The following DLG2 variants were observed in gnomAD, a reference collection of about 807,000 sequenced individuals.
The protein encoded by DLG2 is disks large homolog 2.
A neutral mutation model predicts 132.5 loss-of-function variants in DLG2; 45 were observed. That is an observed-to-expected ratio of 0.34 (90% CI 0.27 to 0.44). The LOEUF (loss-of-function observed/expected upper bound fraction) is 0.44. Ranked by LOEUF, DLG2 falls within the 20% of genes least tolerant of loss-of-function variation. The probability of loss-of-function intolerance (pLI) is 1.00; values close to 1 mark genes in which losing one functional copy is unlikely to be tolerated. For missense variants in DLG2, 1,045 were observed against 1,196.9 expected (o/e 0.87, Z 1.87); for synonymous variants, 424 against 419.6 (o/e 1.01, Z -0.13).
rs190967761 is a variant in DLG2 at position 84,372,657 on chromosome 11, T to C, written c.520-121366A>G. Among the ~76,000 whole-genome samples the C allele has an allele frequency of 3.0e-3, 461 of 152,340 alleles. 1 individual carries two copies. The highest frequency in any genetic ancestry group is 5.0e-3 in the Non-Finnish European group (337 of 68,026). On this transcript the variant is annotated intron_variant, in intron 7 of 27. Coordinates refer to ENST00000376104, the MANE Select transcript of DLG2 (RefSeq NM_001142699.3). ...TTTAAGGCTATTCTGTTTAATAGTG[T>C]TATAAATATACATTTCTCTAAAAAG...
chr11:84,387,587 G>A (rs1283227158), intron 7 of DLG2, among the ~76,000 whole-genome samples: 1 of 152,072 alleles, frequency 6.6e-6, no homozygotes, highest in Non-Finnish European at 1.5e-5. Context: ...GGTTGGGCAT[G>A]CAAAAGCTAA....
chr11:84,132,545 A>G (rs2094458776), intron 9 of DLG2, among the ~76,000 whole-genome samples: 1 of 151,930 alleles, frequency 6.6e-6, no homozygotes, highest in East Asian at 1.9e-4. Flanking sequence ...GAATACTAAC[A>G]ATTTTTCTTT....
At chr11:83,578,998 G>A (rs943605994) in intron 19 of DLG2, among the ~76,000 whole-genome samples, 5 of 152,150 alleles carry the variant, frequency 3.3e-5, no homozygotes, top group Non-Finnish European at 5.9e-5. Flanking sequence ...TTTCCTCCTT[G>A]TTGCTTTACA....
At chr11:84,184,784 C>T (rs1180968794) in intron 8 of DLG2, among the ~76,000 whole-genome samples, 1 of 151,982 alleles carries the variant, frequency 6.6e-6, no homozygotes, top group Admixed American at 6.6e-5. Flanking sequence ...CAGCTTTCTA[C>T]ATATGGCTAG....
At chr11:83,742,577 C>T (rs998499535) in intron 18 of DLG2, among the ~76,000 whole-genome samples, 8 of 152,124 alleles carry the variant, frequency 5.3e-5, no homozygotes, top group African/African-American at 1.7e-4. Context: ...CCTTCTCTGG[C>T]TCTTTATTTC....
intron 7 of DLG2, among the ~76,000 whole-genome samples, chr11:84,412,750 G>C (rs1344583244): frequency 6.6e-6 from 1 of 152,154 alleles, no homozygotes; most frequent in Non-Finnish European, 1.5e-5. Context: ...TGAGCTTTAA[G>C]TTTTCCTCAT....
intron 10 of DLG2, among the ~76,000 whole-genome samples, chr11:84,084,019 C>CCGCA (rs1276903632): frequency 1.3e-5 from 2 of 152,160 alleles, no homozygotes; most frequent in Non-Finnish European, 2.9e-5. Context: ...GACCAGAGGG[C>CCGCA]CGCAGTTCAC....
intron 18 of DLG2, among the ~76,000 whole-genome samples, chr11:83,656,499 A>G (rs1309612203): frequency 6.6e-6 from 1 of 152,208 alleles, no homozygotes; most frequent in African/African-American, 2.4e-5. Context: ...CCTCCCCAGT[A>G]GAACACTTGG....
intron 3 of DLG2, among the ~76,000 whole-genome samples, chr11:85,372,696 G>C (rs767280222): frequency 2.6e-5 from 4 of 152,250 alleles, no homozygotes; most frequent in Non-Finnish European, 5.9e-5. Flanking sequence ...ATAGGTGACA[G>C]CGAATAATTC....
intron 18 of DLG2, among the ~76,000 whole-genome samples, chr11:83,729,382 A>T (rs1290575987): frequency 6.6e-6 from 1 of 152,222 alleles, no homozygotes; most frequent in African/African-American, 2.4e-5. Context: ...GTTTTTCAAA[A>T]GCATATTTCA....
intron 7 of DLG2, among the ~76,000 whole-genome samples, chr11:84,356,519 TGGG>T (rs1041237505): frequency 2.0e-5 from 3 of 152,114 alleles, no homozygotes; most frequent in Non-Finnish European, 4.4e-5. Flanking sequence ...TGTGTGACTT[TGGG>T]TAAGTTACAT....
intron 8 of DLG2, among the ~76,000 whole-genome samples, chr11:84,249,070 A>G (rs1042830664): frequency 1.3e-5 from 2 of 152,246 alleles, no homozygotes; most frequent in South Asian, 2.1e-4. Context: ...TTATTTCTAC[A>G]TGAGGATATC....
intron 3 of DLG2, among the ~76,000 whole-genome samples, chr11:85,396,585 G>A (rs1436412400): frequency 1.3e-5 from 2 of 152,136 alleles, no homozygotes; most frequent in African/African-American, 4.8e-5. Context: ...GATCTTAAAT[G>A]ACCTGATGGA....
In DLG2 at chr11:84,237,375, A is replaced by T. The variant is rs377332801; in HGVS notation, c.573+13863T>A. Among the ~76,000 whole-genome samples, 6 of 152,314 alleles carry T rather than the reference A, an allele frequency of 3.9e-5. No individual in the cohort carries two copies. The East Asian group carries it at 1.2e-3, about 29-fold the overall frequency. On this transcript the variant is annotated intron_variant, in intron 8 of 27. Coordinates refer to ENST00000376104, the MANE Select transcript of DLG2 (RefSeq NM_001142699.3). The stretch of plus-strand genomic sequence containing the variant: ...TTCCTGAGATTGTCTTTAAAGAGAT[A>T]CTGATTATAATGCGCTATTGTTTAT...
At chr11:84,153,623 G>A (rs1441381036) in intron 9 of DLG2, among the ~76,000 whole-genome samples, 1 of 152,076 alleles carries the variant, frequency 6.6e-6, no homozygotes, top group Non-Finnish European at 1.5e-5. Context: ...TCCTCAGCTT[G>A]GTCTATTACA....
chr11:84,593,006 C>T (rs1565397168), intron 6 of DLG2, among the ~76,000 whole-genome samples: 1 of 142,272 alleles, frequency 7.0e-6, no homozygotes, highest in Non-Finnish European at 1.5e-5. Context: ...GTAGTCCCAG[C>T]TCCTCGGGAG....
At chr11:84,652,445 T>C (rs979684195) in intron 6 of DLG2, among the ~76,000 whole-genome samples, 3 of 152,154 alleles carry the variant, frequency 2.0e-5, no homozygotes, top group African/African-American at 4.8e-5. Flanking sequence ...CATTGTGGCA[T>C]TCACTGTCAC....
chr11:85,561,080 G>C (rs1042669998), intron 3 of DLG2, among the ~76,000 whole-genome samples: 2 of 151,058 alleles, frequency 1.3e-5, no homozygotes, highest in African/African-American at 2.4e-5. Context: ...GTAAGGCCAG[G>C]CATGGTGGCT....
At chr11:84,562,308 C>T (rs1186285621) in intron 6 of DLG2, among the ~76,000 whole-genome samples, 1 of 152,034 alleles carries the variant, frequency 6.6e-6, no homozygotes, top group Non-Finnish European at 1.5e-5. Context: ...ATACTAGCTT[C>T]TAAGATAATA....
Sources: allele counts gnomAD v4.1 joint callset (sites outside exome capture counted in the v4.1 genomes callset), GRCh38; gene constraint gnomAD v4.1.1; transcripts MANE v1.5; gene names NCBI Gene and HGNC (gene_info 2026-07-23, HGNC 2026-07-21).